SYNDIG1L: variants seen among roughly 807,000 people sequenced by gnomAD.
The protein encoded by SYNDIG1L is synapse differentiation-inducing gene protein 1-like.
SYNDIG1L carries 13 observed loss-of-function variants against 20.1 expected under a neutral mutation model. The ratio of observed to expected loss-of-function variants is 0.65; its 90% CI spans 0.42 to 1.03. The LOEUF is 1.03. Among genes scored for constraint, SYNDIG1L ranks in the 50% least tolerant of loss-of-function variants. SYNDIG1L has a pLI of 0.00. For synonymous variants in SYNDIG1L, 128 were observed against 129.3 expected (o/e 0.99, Z 0.07); for missense variants, 294 against 305.1 (o/e 0.96, Z 0.27).
At chr14:74,477,807 C>T in the SYNDIG1L span, among the ~76,000 whole-genome samples, 1 of 152,124 alleles carries the variant, frequency 6.6e-6, no homozygotes, top group Non-Finnish European at 1.5e-5. Flanking sequence ...AAACCTGCTC[C>T]GTGGACTAGA....
chr14:74,419,470 C>A (rs1460573447), intron 1 of SYNDIG1L, among the ~76,000 whole-genome samples: 1 of 152,100 alleles, frequency 6.6e-6, no homozygotes, highest in Non-Finnish European at 1.5e-5. Context: ...AAGTACTTTC[C>A]AGGATTTGGG....
At chr14:74,468,594 T>C in the SYNDIG1L span, among the ~76,000 whole-genome samples, 1 of 151,972 alleles carries the variant, frequency 6.6e-6, no homozygotes, top group Non-Finnish European at 1.5e-5. Flanking sequence ...GCCCAGCTCT[T>C]CCCCCACACA....
At chr14:74,461,115 G>A in the SYNDIG1L span, among the ~76,000 whole-genome samples, 1 of 150,442 alleles carries the variant, frequency 6.6e-6, no homozygotes. Context: ...CACAGCTGCA[G>A]AGACCGAGGG....
At chr14:74,463,186 A>G in the SYNDIG1L span, among the ~76,000 whole-genome samples, 6 of 152,160 alleles carry the variant, frequency 3.9e-5, no homozygotes, top group Non-Finnish European at 5.9e-5. Context: ...CTCAGTCCTT[A>G]TCATATGTGG....
chr14:74,475,496 G>A, the SYNDIG1L span, among the ~76,000 whole-genome samples: 1 of 143,370 alleles, frequency 7.0e-6, no homozygotes, highest in African/African-American at 2.7e-5. Flanking sequence ...GCTTCCAAAA[G>A]TGAAAACCTC....
chr14:74,434,358 T>C, the SYNDIG1L span, among the ~76,000 whole-genome samples: 1 of 151,650 alleles, frequency 6.6e-6, no homozygotes, highest in African/African-American at 2.4e-5. Flanking sequence ...GATTGGGGAG[T>C]GACCTCTACC....
the SYNDIG1L span, among the ~76,000 whole-genome samples, chr14:74,435,669 C>G: frequency 6.6e-6 from 1 of 152,218 alleles, no homozygotes; most frequent in Non-Finnish European, 1.5e-5. Context: ...GGTAGAAAGT[C>G]AGCAGCTCAG....
At chr14:74,446,341 TA>T in the SYNDIG1L span, among the ~76,000 whole-genome samples, 187 of 152,254 alleles carry the variant, frequency 1.2e-3, no homozygotes, top group African/African-American at 4.4e-3. Context: ...AGAAATTTTC[TA>T]AAATAAGCAC....
chr14:74,476,895 G>A, the SYNDIG1L span, among the ~76,000 whole-genome samples: 1 of 152,094 alleles, frequency 6.6e-6, no homozygotes, highest in Non-Finnish European at 1.5e-5. Flanking sequence ...CTAGGGATAG[G>A]CTGAGGAATT....
At chr14:74,408,109 T>G in intron 2 of SYNDIG1L, 120 bp from the exon 3 acceptor site, 19 of 1,254,546 alleles carry the variant, frequency 1.5e-5, no homozygotes, top group African/African-American at 4.5e-5. Context: ...AAGCAGTCTC[T>G]TCTGCCGCAG....
chr14:74,455,634 G>T, the SYNDIG1L span, among the ~76,000 whole-genome samples: 3 of 152,184 alleles, frequency 2.0e-5, no homozygotes, highest in African/African-American at 4.8e-5. Flanking sequence ...TGGCCAGGGT[G>T]CTCTCAAACT....
the SYNDIG1L span, among the ~76,000 whole-genome samples, chr14:74,453,193 A>T: frequency 2.3e-4 from 35 of 151,934 alleles, no homozygotes; most frequent in African/African-American, 8.4e-4. Flanking sequence ...CTAAAAATAC[A>T]AAAATTAGCC....
intron 1 of SYNDIG1L, among the ~76,000 whole-genome samples, chr14:74,421,551 C>G (rs2086221602): frequency 6.6e-6 from 1 of 152,100 alleles, no homozygotes; most frequent in Admixed American, 6.5e-5. Context: ...AAAGGCCCAC[C>G]AAGTACCAAG....
intron 2 of SYNDIG1L, 76 bp downstream of exon 2, chr14:74,409,252 A>AC: frequency 1.3e-5 from 12 of 934,370 alleles, no homozygotes; most frequent in Middle Eastern, 2.6e-4. Context: ...CTAATTTTCA[A>AC]TTTTTTTTTT....
chr14:74,444,403 T>C, the SYNDIG1L span, among the ~76,000 whole-genome samples: 3 of 152,156 alleles, frequency 2.0e-5, no homozygotes, highest in African/African-American at 7.2e-5. Context: ...TTACAATATG[T>C]ATTTATTATA....
chr14:74,414,146 C>G (rs895141304), intron 1 of SYNDIG1L, among the ~76,000 whole-genome samples: 7 of 152,194 alleles, frequency 4.6e-5, no homozygotes, highest in African/African-American at 4.8e-5. Flanking sequence ...TTTAGTCTTC[C>G]CTGGATGGTG....
the SYNDIG1L span, among the ~76,000 whole-genome samples, chr14:74,434,055 A>G: frequency 6.6e-6 from 1 of 151,908 alleles, no homozygotes; most frequent in Admixed American, 6.5e-5. Context: ...AAAATTGCAC[A>G]TATAATATAA....
the SYNDIG1L span, among the ~76,000 whole-genome samples, chr14:74,452,474 C>G: frequency 1.1e-4 from 16 of 152,286 alleles, 2 homozygotes; most frequent in South Asian, 3.3e-3. Flanking sequence ...TTACCCTGCA[C>G]AAGTTCTCTC....
chr14:74,407,539 C>A lies in SYNDIG1L; in HGVS notation c.713G>T (p.Gly238Val), dbSNP rs746608752. 5 of 1,613,672 alleles carry A rather than the reference C, an allele frequency of 3.1e-6. No individual in the cohort carries two copies. The highest frequency in any genetic ancestry group is 8.5e-7 in the Non-Finnish European group (1 of 1,179,904). ...LAAYMSQNGH[G>V] is the part of the protein sequence containing the mutation. Reference sequence around the variant, plus strand: ...GGATGCAGGCCCTACTGGCTACTAGCCATGACCGTTCTGGGACATGTAAGC... The same window carrying A: ...GGATGCAGGCCCTACTGGCTACTAGACATGACCGTTCTGGGACATGTAAGC... Residue 238 changes from glycine to valine, a missense_variant, in exon 4 of 4, where the codon GGC becomes GTC. Gly to Val is a moderately radical substitution (Grantham distance 109, BLOSUM62 -3). Transcript: ENST00000331628.
Sources: allele counts gnomAD v4.1 joint callset (sites outside exome capture counted in the v4.1 genomes callset), GRCh38; gene constraint gnomAD v4.1.1; transcripts MANE v1.5; gene names NCBI Gene and HGNC (gene_info 2026-07-23, HGNC 2026-07-21).